FANCB: variants seen among roughly 807,000 people sequenced by gnomAD.
The protein encoded by FANCB is Fanconi anemia group B protein.
A neutral mutation model predicts 38.9 loss-of-function variants in FANCB; 5 were observed. The observed-to-expected ratio is 0.13, with a 90% confidence interval of 0.07 to 0.27. FANCB has a LOEUF of 0.27. FANCB is among the 10% of genes least tolerant of loss of function. The pLI, the probability that FANCB is intolerant of heterozygous loss-of-function variation, is 1.00. For missense variants in FANCB, 573 were observed against 602.7 expected, an observed-to-expected ratio of 0.95 and a Z score of 0.52; for synonymous variants, 236 against 215.4, an observed-to-expected ratio of 1.10 and a Z score of -0.84.
the FANCB span, among the ~76,000 whole-genome samples, chrX:14,799,431 T>A: frequency 3.6e-5 from 4 of 112,145 alleles, no homozygotes; most frequent in African/African-American, 9.7e-5. Flanking sequence ...TAGATACAGA[T>A]CTGTATGTAT....
At chrX:14,694,978 T>C in the FANCB span, among the ~76,000 whole-genome samples, 2 of 112,129 alleles carry the variant, frequency 1.8e-5, no homozygotes, top group Admixed American at 9.5e-5. Context: ...TGAGTCACAT[T>C]TTTATGCTCT....
At position 14,870,123 on chromosome X, in the gene FANCB, G is replaced by A. The variant is rs143165595; in HGVS notation, c.-191-1080C>T. ...TTAACTTTTTTCCCAGCTTTATTGA[G>A]GTGTAACTGCTAAGACAGTAGATAT... On this transcript the variant is annotated intron_variant, in intron 1 of 9. Transcript: ENST00000650831. Among the ~76,000 whole-genome samples the A allele has an allele frequency of 7.8e-3, 874 of 111,445 alleles. 13 individuals carry two copies. Among genetic ancestry groups the A allele is most frequent in the African/African-American group, 0.027 (820 of 30,604 alleles).
chrX:14,787,876 AATATATATATATATATATATAT>A, the FANCB span, among the ~76,000 whole-genome samples: 3,794 of 41,667 alleles, frequency 0.091, 140 homozygotes, highest in Non-Finnish European at 0.1. Context: ...TTAAAAATAG[AATATATATATATATATATATAT>A]ATATATATAT....
At chrX:14,796,691 T>TAC in the FANCB span, among the ~76,000 whole-genome samples, 1,911 of 71,932 alleles carry the variant, frequency 0.027, 28 homozygotes, top group African/African-American at 0.053. Flanking sequence ...CACGTCTATA[T>TAC]ATACACACAC....
At chrX:14,711,565 T>C in the FANCB span, among the ~76,000 whole-genome samples, 1 of 112,496 alleles carries the variant, frequency 8.9e-6, no homozygotes, top group African/African-American at 3.2e-5. Context: ...ACTTGCTCAT[T>C]GGAGCTCCTG....
At chrX:14,850,399 T>C (rs2092395877) in intron 7 of FANCB, 106 bp downstream of exon 7, 1 of 609,296 alleles carries the variant, frequency 1.6e-6, no homozygotes, top group African/African-American at 2.2e-5. Flanking sequence ...CATTTTTAAA[T>C]ATGGCCTCTA....
downstream of FANCB, among the ~76,000 whole-genome samples, chrX:14,840,515 T>G (rs1490568133): frequency 8.9e-6 from 1 of 111,737 alleles, no homozygotes; most frequent in Non-Finnish European, 1.9e-5. Flanking sequence ...CCCAATCACA[T>G]GAACTATGGG....
chrX:14,827,359 T>C, the FANCB span, among the ~76,000 whole-genome samples: 2 of 112,154 alleles, frequency 1.8e-5, no homozygotes, highest in Non-Finnish European at 3.8e-5. Flanking sequence ...TCCAAGGATA[T>C]GATATATATT....
chrX:14,808,197 T>A, the FANCB span, among the ~76,000 whole-genome samples: 1 of 112,090 alleles, frequency 8.9e-6, no homozygotes, highest in South Asian at 3.7e-4. Context: ...GAGGGAATAC[T>A]TCCAAACTCT....
chrX:14,718,968 A>G, the FANCB span, among the ~76,000 whole-genome samples: 1 of 111,812 alleles, frequency 8.9e-6, no homozygotes, highest in Admixed American at 9.5e-5. Context: ...CAAAGTCACA[A>G]TGAAGAAACC....
At chrX:14,690,784 C>T in the FANCB span, 10 of 1,201,078 alleles carry the variant, frequency 8.3e-6, no homozygotes, top group East Asian at 3.0e-5. Flanking sequence ...TACTGGAATA[C>T]GCAGCGGTGA....
chrX:14,690,678 T>C, the FANCB span: 22 of 817,188 alleles, frequency 2.7e-5, no homozygotes, highest in Non-Finnish European at 3.9e-5. Flanking sequence ...TCTCTCTCTC[T>C]GTGTGTGTGT....
chrX:14,857,280 G>A (rs763639063), intron 5 of FANCB, among the ~76,000 whole-genome samples: 14 of 112,227 alleles, frequency 1.2e-4, no homozygotes, highest in Admixed American at 6.6e-4. Context: ...TATGTAATGC[G>A]TATATTCATT....
At chrX:14,845,793 T>G (rs1349457782) in intron 7 of FANCB, among the ~76,000 whole-genome samples, 2 of 111,938 alleles carry the variant, frequency 1.8e-5, no homozygotes, top group African/African-American at 6.5e-5. Context: ...AATAAAATCT[T>G]TTTCAGTCAG....
chrX:14,862,691 C>T (rs961435464), intron 3 of FANCB, among the ~76,000 whole-genome samples: 1 of 111,929 alleles, frequency 8.9e-6, no homozygotes, highest in Non-Finnish European at 1.9e-5. Flanking sequence ...AACTGAGTTC[C>T]TCCTATGTGT....
At chrX:14,695,561 C>G in the FANCB span, among the ~76,000 whole-genome samples, 1 of 112,141 alleles carries the variant, frequency 8.9e-6, no homozygotes. Context: ...GATGGAGATA[C>G]TGAAGCACAA....
rs562994158 is a variant in FANCB at position 14,850,691 on chromosome X, A to C, written c.1327-17T>G. 9 of 1,036,934 alleles carry C rather than the reference A, an allele frequency of 8.7e-6. No homozygotes were observed. In the African/African-American group the frequency reaches 1.1e-4, roughly 13 times the overall value. 85.5% of individuals were successfully genotyped at this position (1,036,934 alleles called of 1,213,427 possible). A position where few individuals can be genotyped will look rare whatever the true frequency, so the allele number is the denominator to read the frequency against. ...ACATTCCTTCTAAAAAAAAAAGTTT[A>C]AATAACTGATTATAAAATACGTACC... On this transcript the variant is annotated splice_polypyrimidine_tract_variant and intron_variant, in intron 6 of 9. Transcript: ENST00000650831.
the FANCB span, among the ~76,000 whole-genome samples, chrX:14,699,129 C>T: frequency 8.9e-6 from 1 of 112,122 alleles, no homozygotes; most frequent in African/African-American, 3.2e-5. Context: ...GAAGCTGATG[C>T]CCCAGGTCTA....
chrX:14,859,037 T>G, intron 4 of FANCB, 145 bp downstream of exon 4: 1 of 401,563 alleles, frequency 2.5e-6, no homozygotes, highest in Admixed American at 4.4e-5. Flanking sequence ...ATGTATATAT[T>G]TAAAAGATTC....
Sources: gnomAD v4.1 joint callset for allele counts (sites outside exome capture counted in the v4.1 genomes callset) on GRCh38, gnomAD v4.1.1 for gene constraint, MANE v1.5 for transcripts, NCBI Gene and HGNC (gene_info 2026-07-23, HGNC 2026-07-21) for gene names.